Variants in SMYD3 observed in about 807,000 individuals in gnomAD.
SMYD3 encodes the protein SET and MYND domain containing 3.
SMYD3 carries 36 observed loss-of-function variants against 57.7 expected under a neutral mutation model. That is an observed-to-expected ratio of 0.62 (90% CI 0.48 to 0.82). SMYD3 has a LOEUF of 0.82. Ranked by LOEUF, SMYD3 falls within the 40% of genes least tolerant of loss-of-function variation. The pLI is 0.00. For synonymous variants in SMYD3, 211 were observed against 195.0 expected (o/e 1.08, Z -0.68); for missense variants, 515 against 538.8 (o/e 0.96, Z 0.44).
chr1:245,833,938 T>C (rs1023221133), intron 10 of SMYD3, among the ~76,000 whole-genome samples: 3 of 152,212 alleles, frequency 2.0e-5, no homozygotes, highest in African/African-American at 7.2e-5. Flanking sequence ...TTACTCTAAT[T>C]TTAGAAACAT....
intron 10 of SMYD3, among the ~76,000 whole-genome samples, chr1:245,774,977 TGCAGACG>T (rs2046509605): frequency 6.6e-6 from 1 of 152,102 alleles, no homozygotes; most frequent in South Asian, 2.1e-4. Context: ...GTGCAGGGAT[TGCAGACG>T]GAGTCTCGTT....
At chr1:246,245,901 A>C (rs1269795839) in intron 5 of SMYD3, among the ~76,000 whole-genome samples, 1 of 152,192 alleles carries the variant, frequency 6.6e-6, no homozygotes, top group African/African-American at 2.4e-5. Flanking sequence ...ATAAAATACA[A>C]CCACAGATAA....
chr1:245,949,825 A>ACCCCCCCCCCC (rs376505931), intron 5 of SMYD3, among the ~76,000 whole-genome samples: 39 of 93,272 alleles, frequency 4.2e-4, no homozygotes, highest in Non-Finnish European at 5.3e-4. Context: ...AAAGAAACCC[A>ACCCCCCCCCCC]CCCCCCCCAC....
At chr1:245,874,223 G>A (rs1361797187) in intron 8 of SMYD3, among the ~76,000 whole-genome samples, 3 of 152,134 alleles carry the variant, frequency 2.0e-5, no homozygotes, top group African/African-American at 7.2e-5. Flanking sequence ...GCCAAACCAA[G>A]AATTTGACAA....
intron 5 of SMYD3, among the ~76,000 whole-genome samples, chr1:246,117,620 ACTCT>A (rs200473780): frequency 7.3e-5 from 11 of 151,254 alleles, no homozygotes; most frequent in African/African-American, 2.7e-4. Context: ...GCTCTTGCGC[ACTCT>A]CTCTCTCTCC....
At chr1:245,941,131 G>C (rs1285476401) in intron 5 of SMYD3, among the ~76,000 whole-genome samples, 4 of 152,104 alleles carry the variant, frequency 2.6e-5, no homozygotes, top group Non-Finnish European at 5.9e-5. Flanking sequence ...AGAATGAAAA[G>C]GAATGAACAA....
chr1:246,005,137 C>T (rs1042186103), intron 5 of SMYD3, among the ~76,000 whole-genome samples: 8 of 152,196 alleles, frequency 5.3e-5, no homozygotes, highest in African/African-American at 1.9e-4. Context: ...GCATGAGCCA[C>T]TGGGACTGGC....
chr1:245,853,610 T>C (rs2051088805), intron 10 of SMYD3, among the ~76,000 whole-genome samples: 1 of 152,130 alleles, frequency 6.6e-6, no homozygotes, highest in Admixed American at 6.5e-5. Flanking sequence ...CAAAAACCCA[T>C]GAAAGAACAA....
intron 1 of SMYD3, among the ~76,000 whole-genome samples, chr1:246,392,521 C>G (rs1476365319): frequency 6.6e-6 from 1 of 152,028 alleles, no homozygotes; most frequent in African/African-American, 2.4e-5. Flanking sequence ...CAGTGTGGCT[C>G]ACTGCAGTCT....
chr1:246,402,106 C>A (rs556971285), intron 1 of SMYD3, among the ~76,000 whole-genome samples: 1 of 152,296 alleles, frequency 6.6e-6, no homozygotes, highest in South Asian at 2.1e-4. Context: ...CTATTACCTT[C>A]ATCCTCTCTT....
At chr1:246,322,995 G>A (rs1037003218) in intron 5 of SMYD3, among the ~76,000 whole-genome samples, 2 of 152,140 alleles carry the variant, frequency 1.3e-5, no homozygotes, top group Admixed American at 6.5e-5. Flanking sequence ...ATTTCCCTCA[G>A]GAGGTTGGAG....
intron 10 of SMYD3, among the ~76,000 whole-genome samples, chr1:245,855,697 C>T (rs1466010551): frequency 1.3e-5 from 2 of 151,984 alleles, no homozygotes; most frequent in African/African-American, 2.4e-5. Flanking sequence ...TGTTGAGTTG[C>T]GTCATAAAAA....
intron 5 of SMYD3, among the ~76,000 whole-genome samples, chr1:246,015,603 G>A (rs962705200): frequency 6.6e-6 from 1 of 151,920 alleles, no homozygotes; most frequent in African/African-American, 2.4e-5. Flanking sequence ...CTCCATTCCC[G>A]ACCCTCTCCC....
chr1:246,507,161 G>T lies in SMYD3; in HGVS notation c.57C>A (p.Arg19=). Residue 19 remains arginine (R), a synonymous_variant, in exon 1 of 12, where the codon CGC becomes CGA. Transcript: ENST00000490107. The part of the protein sequence containing the change: ...FATAKRGNGL[R]AVTPLRPGEL... ...CTCCGGGGCGCAGCGGGGTCACGGCGCGCAGCCCGTTTCCCCTCTTGGCGG... is the reference window on the plus strand; with the variant it reads ...CTCCGGGGCGCAGCGGGGTCACGGCTCGCAGCCCGTTTCCCCTCTTGGCGG... 1.3e-6 allele frequency: 2 copies of T among 1,532,184 alleles called. No homozygotes were observed. The highest frequency in any genetic ancestry group is 1.8e-6 in the Non-Finnish European group (2 of 1,139,658). The allele number at this position is 1,532,184 out of a possible 1,614,324, so 94.9% of individuals were successfully genotyped here. A position where few individuals can be genotyped will look rare whatever the true frequency, so the allele number is the denominator to read the frequency against.
At chr1:246,383,103 C>A (rs151042471) in intron 1 of SMYD3, among the ~76,000 whole-genome samples, 1 of 152,240 alleles carries the variant, frequency 6.6e-6, no homozygotes, top group Non-Finnish European at 1.5e-5. Context: ...GGCCTGCCCA[C>A]CTATTGACCC....
chr1:246,279,311 A>C (rs1232700950), intron 5 of SMYD3, among the ~76,000 whole-genome samples: 2 of 152,180 alleles, frequency 1.3e-5, no homozygotes, highest in East Asian at 3.9e-4. Flanking sequence ...ACCTGAGGTC[A>C]GGAGTTCCAG....
At chr1:246,060,745 C>A (rs2060238020) in intron 5 of SMYD3, among the ~76,000 whole-genome samples, 2 of 152,108 alleles carry the variant, frequency 1.3e-5, no homozygotes, top group Non-Finnish European at 2.9e-5. Context: ...AGAAAGACAT[C>A]CAGGACCCAC....
intron 5 of SMYD3, among the ~76,000 whole-genome samples, chr1:246,090,084 A>C (rs2060795153): frequency 6.6e-6 from 1 of 152,038 alleles, no homozygotes; most frequent in Non-Finnish European, 1.5e-5. Context: ...CTATTAGTGG[A>C]TATGGAATTA....
At chr1:246,415,312 A>C (rs1349813645) in intron 1 of SMYD3, among the ~76,000 whole-genome samples, 1 of 152,232 alleles carries the variant, frequency 6.6e-6, no homozygotes, top group Non-Finnish European at 1.5e-5. Flanking sequence ...GCAAAGGGAA[A>C]GGCAAGTGTT....
Sources: gnomAD v4.1 joint callset for allele counts (sites outside exome capture counted in the v4.1 genomes callset) on GRCh38, gnomAD v4.1.1 for gene constraint, MANE v1.5 for transcripts, NCBI Gene and HGNC (gene_info 2026-07-23, HGNC 2026-07-21) for gene names.